SGMS1: variants seen among roughly 807,000 people sequenced by gnomAD.
The protein encoded by SGMS1 is sphingomyelin synthase 1.
Under a neutral mutation model 46.2 loss-of-function variants are expected in SGMS1, and 13 were observed. The observed-to-expected ratio is 0.28, with a 90% CI of 0.18 to 0.45. The LOEUF is 0.45. Among genes scored for constraint, SGMS1 ranks in the 20% least tolerant of loss-of-function variants. SGMS1 has a pLI of 1.00. For synonymous variants in SGMS1, 203 were observed against 187.8 expected, an observed-to-expected ratio of 1.08 and a Z score of -0.66; for missense variants, 324 against 519.9, an observed-to-expected ratio of 0.62 and a Z score of 3.66.
intron 2 of SGMS1, among the ~76,000 whole-genome samples, chr10:50,531,504 T>C (rs970685140): frequency 1.3e-5 from 2 of 152,132 alleles, no homozygotes; most frequent in African/African-American, 4.8e-5. Flanking sequence ...ACTCTGCAGG[T>C]CTGTTAGCAT....
At chr10:50,425,340 C>T (rs867981085) in intron 6 of SGMS1, among the ~76,000 whole-genome samples, 46 of 152,312 alleles carry the variant, frequency 3.0e-4, no homozygotes, top group Middle Eastern at 3.4e-3. Context: ...GACAGGGAAT[C>T]AACCTAGGTG....
At chr10:50,451,434 C>T (rs1179771320) in intron 5 of SGMS1, among the ~76,000 whole-genome samples, 1 of 152,200 alleles carries the variant, frequency 6.6e-6, no homozygotes, top group Non-Finnish European at 1.5e-5. Context: ...CTTGAGCATT[C>T]TACCAATTTA....
intron 6 of SGMS1, among the ~76,000 whole-genome samples, chr10:50,415,288 AGT>A (rs200688895): frequency 0.017 from 2,523 of 152,336 alleles, 67 homozygotes; most frequent in African/African-American, 0.057. Flanking sequence ...TATTTTTGTA[AGT>A]GATTCTGACC....
At chr10:50,369,040 T>C (rs1848394155) in intron 6 of SGMS1, among the ~76,000 whole-genome samples, 2 of 152,202 alleles carry the variant, frequency 1.3e-5, no homozygotes, top group South Asian at 4.1e-4. Flanking sequence ...ATATGAACCA[T>C]AGCTTTCAAT....
intron 6 of SGMS1, among the ~76,000 whole-genome samples, chr10:50,394,421 C>A (rs1325612636): frequency 6.6e-6 from 1 of 152,194 alleles, no homozygotes; most frequent in Non-Finnish European, 1.5e-5. Flanking sequence ...GCGTTCTGAA[C>A]CATATTTTAT....
chr10:50,381,632 G>T (rs529665619), intron 6 of SGMS1, among the ~76,000 whole-genome samples: 1 of 152,294 alleles, frequency 6.6e-6, no homozygotes, highest in East Asian at 1.9e-4. Flanking sequence ...TATGAAAAAT[G>T]ATTAAAATGG....
At chr10:50,453,298 T>C (rs1352879259) in intron 5 of SGMS1, among the ~76,000 whole-genome samples, 1 of 151,978 alleles carries the variant, frequency 6.6e-6, no homozygotes, top group African/African-American at 2.4e-5. Flanking sequence ...AAAATGGTAT[T>C]TAAAAATTAA....
At chr10:50,593,674 G>C (rs1838563595) in intron 1 of SGMS1, among the ~76,000 whole-genome samples, 2 of 152,062 alleles carry the variant, frequency 1.3e-5, no homozygotes, top group African/African-American at 4.8e-5. Context: ...ATGTTGTTGT[G>C]ATTTGCTGAT....
chr10:50,587,364 G>A (rs1436196103), intron 2 of SGMS1, among the ~76,000 whole-genome samples: 1 of 152,220 alleles, frequency 6.6e-6, no homozygotes, highest in African/African-American at 2.4e-5. Flanking sequence ...GCCGGGCGTG[G>A]CAGCTCACGC....
intron 6 of SGMS1, among the ~76,000 whole-genome samples, chr10:50,363,879 ACT>A (rs1247348815): frequency 6.6e-6 from 1 of 152,170 alleles, no homozygotes; most frequent in Non-Finnish European, 1.5e-5. Context: ...ATCTGAAGAA[ACT>A]CTCTAATAAA....
intron 3 of SGMS1, among the ~76,000 whole-genome samples, chr10:50,515,987 A>T (rs1837802665): frequency 6.6e-6 from 1 of 152,208 alleles, no homozygotes; most frequent in South Asian, 2.1e-4. Flanking sequence ...TAATTAGACT[A>T]GTATTACAAA....
intron 3 of SGMS1, among the ~76,000 whole-genome samples, chr10:50,510,954 CT>C (rs1382864342): frequency 1.3e-5 from 2 of 152,098 alleles, no homozygotes; most frequent in Admixed American, 6.6e-5. Flanking sequence ...TGAAAAGACC[CT>C]TTTGGGATTA....
At chr10:50,499,864 G>C (rs1837646508) in intron 3 of SGMS1, among the ~76,000 whole-genome samples, 1 of 152,198 alleles carries the variant, frequency 6.6e-6, no homozygotes, top group Non-Finnish European at 1.5e-5. Context: ...TTCACATATT[G>C]TATCTAAAAA....
At chr10:50,609,663 T>C (rs1342843954) in intron 1 of SGMS1, among the ~76,000 whole-genome samples, 1 of 151,634 alleles carries the variant, frequency 6.6e-6, no homozygotes, top group Non-Finnish European at 1.5e-5. Context: ...GTTTAACCAA[T>C]CCCCTATATT....
At position 50,392,117 on chromosome 10, in the gene SGMS1, C is replaced by T. The variant is rs11005459; in HGVS notation, c.-232+41359G>A. On this transcript the variant is annotated intron_variant, in intron 6 of 10. Transcript: ENST00000361781. Reference sequence around the variant, plus strand: ...TACCTGGTTGATGAAATGGTCTGTACGCCAAATCCCCATGACACGCAATTT... The same window carrying T: ...TACCTGGTTGATGAAATGGTCTGTATGCCAAATCCCCATGACACGCAATTT... Among the ~76,000 whole-genome samples, 690 of 151,608 alleles carry T rather than the reference C, an allele frequency of 4.6e-3. 5 individuals are homozygous for T. The highest frequency in any genetic ancestry group is 0.016 in the African/African-American group (652 of 41,292).
intron 6 of SGMS1, among the ~76,000 whole-genome samples, chr10:50,383,008 T>C (rs1049425395): frequency 6.6e-6 from 1 of 152,196 alleles, no homozygotes; most frequent in African/African-American, 2.4e-5. Flanking sequence ...TCAGGAGTCA[T>C]AAACTCTACA....
chr10:50,383,873 C>A (rs561839089), intron 6 of SGMS1, among the ~76,000 whole-genome samples: 7 of 152,184 alleles, frequency 4.6e-5, no homozygotes, highest in Non-Finnish European at 1.5e-5. Flanking sequence ...ATATTTAAAA[C>A]GAGGTAGCTA....
chr10:50,534,419 T>C (rs534641432), intron 2 of SGMS1, among the ~76,000 whole-genome samples: 1 of 152,344 alleles, frequency 6.6e-6, no homozygotes, highest in East Asian at 1.9e-4. Context: ...TTGTATTAAA[T>C]TGGCACTTTA....
At chr10:50,608,456 G>A (rs554012328) in intron 1 of SGMS1, among the ~76,000 whole-genome samples, 36 of 152,206 alleles carry the variant, frequency 2.4e-4, no homozygotes, top group Admixed American at 7.2e-4. Flanking sequence ...AGCCTTGGGC[G>A]GTCAGCACAG....
Sources: allele counts gnomAD v4.1 joint callset (sites outside exome capture counted in the v4.1 genomes callset), GRCh38; gene constraint gnomAD v4.1.1; transcripts MANE v1.5; gene names NCBI Gene and HGNC (gene_info 2026-07-23, HGNC 2026-07-21).